The following AKAP6 variants were observed in gnomAD, a reference collection of about 807,000 sequenced individuals.
AKAP6 encodes A-kinase anchoring protein 6.
AKAP6 carries 58 observed loss-of-function variants against 188.5 expected under a neutral mutation model. The ratio of observed to expected loss-of-function variants is 0.31; its 90% CI spans 0.25 to 0.38. The LOEUF is 0.38. Among genes scored for constraint, AKAP6 ranks in the 10% least tolerant of loss-of-function variants. AKAP6 has a pLI of 1.00. For missense variants in AKAP6, 2,710 were observed against 2,740.0 expected (o/e 0.99, Z 0.24); for synonymous variants, 989 against 998.6 (o/e 0.99, Z 0.18).
At chr14:32,700,734 T>C (rs899131983) in intron 9 of AKAP6, among the ~76,000 whole-genome samples, 8 of 152,158 alleles carry the variant, frequency 5.3e-5, no homozygotes, top group African/African-American at 1.9e-4. Flanking sequence ...CTCTACCATC[T>C]ACTCTATCAT....
At chr14:32,428,211 C>T (rs10135060) in intron 1 of AKAP6, among the ~76,000 whole-genome samples, 27,191 of 152,064 alleles carry the variant, frequency 0.18, 3,804 homozygotes, top group African/African-American at 0.38. Flanking sequence ...TGACTGGAAG[C>T]GCTCTGTCCA....
chr14:32,623,006 A>G (rs1022812036), intron 7 of AKAP6, among the ~76,000 whole-genome samples: 1 of 152,128 alleles, frequency 6.6e-6, no homozygotes, highest in Non-Finnish European at 1.5e-5. Context: ...TGGTAGTGGT[A>G]GGGTGTGTGA....
intron 9 of AKAP6, among the ~76,000 whole-genome samples, chr14:32,704,350 C>T (rs1309537111): frequency 1.3e-5 from 2 of 152,102 alleles, no homozygotes; most frequent in Non-Finnish European, 2.9e-5. Flanking sequence ...TTTTGTTAAG[C>T]TGATAGCTTT....
At chr14:32,669,423 G>T (rs990982552) in intron 7 of AKAP6, among the ~76,000 whole-genome samples, 5 of 152,066 alleles carry the variant, frequency 3.3e-5, no homozygotes, top group Admixed American at 1.3e-4. Context: ...TAGAGAGTTT[G>T]TTTCTGGACA....
intron 1 of AKAP6, among the ~76,000 whole-genome samples, chr14:32,348,400 T>C (rs1354559337): frequency 5.1e-5 from 7 of 137,466 alleles, no homozygotes; most frequent in African/African-American, 2.2e-4. Flanking sequence ...AATGGGGTTC[T>C]TTCTTTTCTT....
At chr14:32,706,672 T>C (rs1890823524) in intron 9 of AKAP6, among the ~76,000 whole-genome samples, 2 of 152,122 alleles carry the variant, frequency 1.3e-5, no homozygotes. Context: ...ATGTGGGCTT[T>C]TGTGAAACTC....
chr14:32,341,288 T>C lies in AKAP6; in HGVS notation c.-35+11880T>C, dbSNP rs58341643. On this transcript the variant is annotated intron_variant, in intron 1 of 13. Transcript: ENST00000280979. ...CTTCCTATTGGGTATAGAATTTCTT[T>C]AGAAATTTACACTGCTGCTGTAGAC... Among the ~76,000 whole-genome samples, 377 of 152,296 alleles carry C rather than the reference T, an allele frequency of 2.5e-3. 1 individual carries two copies. The highest frequency in any genetic ancestry group is 8.0e-3 in the African/African-American group (331 of 41,548).
chr14:32,448,716 G>C (rs1323278676), intron 2 of AKAP6, among the ~76,000 whole-genome samples: 1 of 152,136 alleles, frequency 6.6e-6, no homozygotes, highest in Non-Finnish European at 1.5e-5. Context: ...TATATCAAGA[G>C]ACCCTTTGAA....
At chr14:32,769,742 T>A (rs908968298) in intron 11 of AKAP6, among the ~76,000 whole-genome samples, 23 of 152,272 alleles carry the variant, frequency 1.5e-4, no homozygotes, top group Middle Eastern at 3.4e-3. Flanking sequence ...TTGGTGTTTT[T>A]AAAGTATTAT....
intron 7 of AKAP6, among the ~76,000 whole-genome samples, chr14:32,678,021 G>T (rs1889506011): frequency 6.6e-6 from 1 of 152,192 alleles, no homozygotes; most frequent in Admixed American, 6.5e-5. Context: ...GAATTTCACA[G>T]AATTTTTATG....
chr14:32,747,120 A>C (rs1477500776), intron 11 of AKAP6, among the ~76,000 whole-genome samples: 1 of 152,196 alleles, frequency 6.6e-6, no homozygotes, highest in Non-Finnish European at 1.5e-5. Context: ...GACCAATTTC[A>C]TCAAGTCTTT....
intron 11 of AKAP6, among the ~76,000 whole-genome samples, chr14:32,772,529 C>T (rs2032930963): frequency 6.6e-6 from 1 of 152,126 alleles, no homozygotes; most frequent in African/African-American, 2.4e-5. Flanking sequence ...GAGTCAGGGT[C>T]ATTTAAATGG....
chr14:32,739,686 T>A (rs2031590643), intron 11 of AKAP6, among the ~76,000 whole-genome samples: 1 of 152,150 alleles, frequency 6.6e-6, no homozygotes, highest in African/African-American at 2.4e-5. Flanking sequence ...TCCATGTTGT[T>A]GTAAATGACA....
chr14:32,404,153 G>A (rs1212351844), intron 1 of AKAP6, among the ~76,000 whole-genome samples: 1 of 152,026 alleles, frequency 6.6e-6, no homozygotes, highest in African/African-American at 2.4e-5. Context: ...ACTTTTAGTA[G>A]AGTCTTTTAG....
At chr14:32,810,678 C>T (rs182687424) in intron 12 of AKAP6, among the ~76,000 whole-genome samples, 81 of 152,266 alleles carry the variant, frequency 5.3e-4, no homozygotes, top group African/African-American at 1.9e-3. Context: ...ACTTCCCAGT[C>T]GTTTTTATGG....
intron 7 of AKAP6, among the ~76,000 whole-genome samples, chr14:32,641,981 CTG>C (rs1191354476): frequency 4.6e-5 from 7 of 152,110 alleles, no homozygotes; most frequent in African/African-American, 1.4e-4. Context: ...AGGAAAAAGA[CTG>C]TTAACATTAT....
At chr14:32,776,356 G>A (rs1254649780) in intron 12 of AKAP6, among the ~76,000 whole-genome samples, 1 of 152,112 alleles carries the variant, frequency 6.6e-6, no homozygotes, top group Non-Finnish European at 1.5e-5. Context: ...GTTTTATAAG[G>A]GGAAACCCCT....
rs182278128 is a variant in AKAP6 at position 32,379,993 on chromosome 14, T to C, written c.-35+50585T>C. On this transcript the variant is annotated intron_variant, in intron 1 of 13. Coordinates refer to ENST00000280979, the MANE Select transcript of AKAP6 (RefSeq NM_004274.5). ...TGGAGATGACCACAGCTGCCTTCTC[T>C]CTGGCTACTTCCTTATATAAATTTG... Among the ~76,000 whole-genome samples, 289 of 152,326 alleles carry C rather than the reference T, an allele frequency of 1.9e-3. 2 individuals carry two copies. Among genetic ancestry groups the C allele is most frequent in the African/African-American group, 6.7e-3 (279 of 41,586 alleles).
chr14:32,584,648 C>T (rs1885146940), intron 5 of AKAP6, among the ~76,000 whole-genome samples: 1 of 152,206 alleles, frequency 6.6e-6, no homozygotes, highest in South Asian at 2.1e-4. Flanking sequence ...CCTCCCTGGC[C>T]TCTACTCCAT....
Sources: gnomAD v4.1 joint callset for allele counts (sites outside exome capture counted in the v4.1 genomes callset) on GRCh38, gnomAD v4.1.1 for gene constraint, MANE v1.5 for transcripts, NCBI Gene and HGNC (gene_info 2026-07-23, HGNC 2026-07-21) for gene names.